Variants in CCSER1 observed in about 807,000 individuals in gnomAD.
CCSER1 encodes coiled-coil serine rich protein 1, also known as serine-rich coiled-coil domain-containing protein 1.
A neutral mutation model predicts 82.0 loss-of-function variants in CCSER1; 41 were observed. The ratio of observed to expected loss-of-function variants is 0.50; its 90% confidence interval spans 0.39 to 0.65. The LOEUF (loss-of-function observed/expected upper bound fraction) is 0.65, where lower values mean the gene tolerates loss of function less well. Among genes scored for constraint, CCSER1 ranks in the 30% least tolerant of loss-of-function variants. The probability of loss-of-function intolerance (pLI) is 0.00; values close to 1 mark genes in which losing one functional copy is unlikely to be tolerated. For missense variants in CCSER1, 1,119 were observed against 1,064.2 expected (o/e 1.05, Z -0.72); for synonymous variants, 414 against 383.9 (o/e 1.08, Z -0.92).
intron 6 of CCSER1, among the ~76,000 whole-genome samples, chr4:90,639,922 G>T (rs1375518816): frequency 6.6e-6 from 1 of 152,110 alleles, no homozygotes; most frequent in Non-Finnish European, 1.5e-5. Flanking sequence ...ATGGAAGAGA[G>T]AATTTGTATT....
chr4:90,583,960 A>G (rs1781704254), intron 5 of CCSER1, among the ~76,000 whole-genome samples: 1 of 152,158 alleles, frequency 6.6e-6, no homozygotes, highest in Admixed American at 6.5e-5. Flanking sequence ...TATAAAAGGT[A>G]CAATTTAAAA....
chr4:91,479,258 CTATT>C lies in CCSER1; in HGVS notation c.2218-119311_2218-119308del, dbSNP rs1757758771. On this transcript the variant is annotated intron_variant, in intron 10 of 10. Coordinates refer to ENST00000509176, the MANE Select transcript of CCSER1 (RefSeq NM_001145065.2). ...TTTAGTTTACTCTGGTCTTAGGGAA[CTATT>C]TAAATATAAAAAGCGATGGGATTAC... 2.7e-5 allele frequency among the ~76,000 whole-genome samples: 4 copies of C among 150,684 alleles called. No homozygotes were observed. The South Asian group carries it at 8.3e-4, about 31-fold the overall frequency.
At chr4:90,731,796 T>A (rs1374193010) in intron 7 of CCSER1, among the ~76,000 whole-genome samples, 1 of 152,196 alleles carries the variant, frequency 6.6e-6, no homozygotes, top group Non-Finnish European at 1.5e-5. Context: ...TTCCAAGTAA[T>A]AAACCATCTC....
intron 5 of CCSER1, among the ~76,000 whole-genome samples, chr4:90,474,312 A>G (rs568428449): frequency 2.6e-5 from 4 of 152,176 alleles, no homozygotes; most frequent in Non-Finnish European, 5.9e-5. Flanking sequence ...AACTGAAAAA[A>G]CAAAATAGCT....
intron 8 of CCSER1, among the ~76,000 whole-genome samples, chr4:90,824,728 A>G (rs976753002): frequency 6.6e-6 from 1 of 152,160 alleles, no homozygotes; most frequent in African/African-American, 2.4e-5. Flanking sequence ...TTAGAATAGA[A>G]TATTACAGCT....
chr4:91,108,714 C>A (rs1725847051), intron 10 of CCSER1, among the ~76,000 whole-genome samples: 1 of 152,136 alleles, frequency 6.6e-6, no homozygotes, highest in South Asian at 2.1e-4. Flanking sequence ...TTATTCATTT[C>A]TTGCTTCCAA....
intron 6 of CCSER1, among the ~76,000 whole-genome samples, chr4:90,686,085 T>G (rs1195841777): frequency 6.6e-6 from 1 of 152,170 alleles, no homozygotes; most frequent in Non-Finnish European, 1.5e-5. Flanking sequence ...TGTAGTTCCC[T>G]TAAGAATTTA....
intron 5 of CCSER1, among the ~76,000 whole-genome samples, chr4:90,477,246 G>A (rs1765235913): frequency 6.6e-6 from 1 of 152,132 alleles, no homozygotes; most frequent in South Asian, 2.1e-4. Flanking sequence ...AGGGGAGACT[G>A]ACTAGCAGAA....
chr4:90,360,749 C>A (rs1745245091), intron 3 of CCSER1, among the ~76,000 whole-genome samples: 2 of 152,096 alleles, frequency 1.3e-5, no homozygotes, highest in African/African-American at 4.8e-5. Flanking sequence ...ATTGGCCTAG[C>A]TGATCATGGT....
chr4:90,167,101 T>A (rs1031493748), intron 1 of CCSER1, among the ~76,000 whole-genome samples: 4 of 152,048 alleles, frequency 2.6e-5, no homozygotes, highest in Non-Finnish European at 5.9e-5. Context: ...AAAATAAAAT[T>A]CAGCAATGTA....
intron 4 of CCSER1, among the ~76,000 whole-genome samples, chr4:90,408,989 G>A (rs752364369): frequency 2.0e-5 from 3 of 152,310 alleles, no homozygotes; most frequent in Middle Eastern, 3.4e-3. Flanking sequence ...GAATGCACAA[G>A]CCTCAGTAAC....
chr4:90,923,757 GA>G (rs1373644642), intron 9 of CCSER1, among the ~76,000 whole-genome samples: 1 of 152,090 alleles, frequency 6.6e-6, no homozygotes. Flanking sequence ...TATTTTTTAA[GA>G]AAATATTTAT....
At chr4:91,225,324 GTA>G (rs1223314807) in intron 10 of CCSER1, among the ~76,000 whole-genome samples, 1 of 118,796 alleles carries the variant, frequency 8.4e-6, no homozygotes, top group African/African-American at 3.7e-5. Flanking sequence ...TAATATATAT[GTA>G]TATATATTAT....
chr4:91,258,240 C>T (rs1740845233), intron 10 of CCSER1, among the ~76,000 whole-genome samples: 1 of 151,992 alleles, frequency 6.6e-6, no homozygotes, highest in African/African-American at 2.4e-5. Context: ...GTAGACTACA[C>T]ACAAAATTTT....
intron 9 of CCSER1, among the ~76,000 whole-genome samples, chr4:90,996,201 T>C (rs1334725689): frequency 6.6e-6 from 1 of 152,152 alleles, no homozygotes; most frequent in Non-Finnish European, 1.5e-5. Flanking sequence ...AATCTTGTTG[T>C]AGATGTGTGT....
chr4:91,242,116 G>A (rs552734625), intron 10 of CCSER1, among the ~76,000 whole-genome samples: 3 of 152,140 alleles, frequency 2.0e-5, no homozygotes, highest in Non-Finnish European at 4.4e-5. Flanking sequence ...TTAAGCAGAG[G>A]TAAAAATTTA....
intron 5 of CCSER1, among the ~76,000 whole-genome samples, chr4:90,558,207 C>A (rs761087062): frequency 2.6e-5 from 4 of 152,102 alleles, no homozygotes; most frequent in Non-Finnish European, 4.4e-5. Context: ...CAGTGTGTTT[C>A]TTTCTCTAGC....
intron 9 of CCSER1, among the ~76,000 whole-genome samples, chr4:91,013,497 T>C (rs1739165526): frequency 7.5e-6 from 1 of 133,258 alleles, no homozygotes; most frequent in Non-Finnish European, 1.7e-5. Flanking sequence ...AAACCAGGAA[T>C]TGTAAAGCCT....
intron 6 of CCSER1, among the ~76,000 whole-genome samples, chr4:90,674,366 TG>T (rs1733392636): frequency 6.6e-6 from 1 of 151,952 alleles, no homozygotes; most frequent in African/African-American, 2.4e-5. Flanking sequence ...GGCATCTTAT[TG>T]GAGACAGAGA....
Sources: gnomAD v4.1 joint callset for allele counts (sites outside exome capture counted in the v4.1 genomes callset) on GRCh38, gnomAD v4.1.1 for gene constraint, MANE v1.5 for transcripts, NCBI Gene and HGNC (gene_info 2026-07-23, HGNC 2026-07-21) for gene names.